Variants in XPR1 observed in about 807,000 individuals in gnomAD.
The protein encoded by XPR1 is solute carrier family 53 member 1.
In XPR1, 28 loss-of-function variants were observed where a neutral mutation model predicts 87.5. The ratio of observed to expected loss-of-function variants is 0.32; its 90% CI spans 0.24 to 0.44. XPR1 has a LOEUF of 0.44. XPR1 is among the 20% of genes least tolerant of loss of function. The pLI is 1.00. For missense variants in XPR1, 559 were observed against 862.3 expected, an observed-to-expected ratio of 0.65 and a Z score of 4.41; for synonymous variants, 300 against 306.1, an observed-to-expected ratio of 0.98 and a Z score of 0.21.
chr1:180,844,280 A>G (rs1302741331), intron 11 of XPR1, among the ~76,000 whole-genome samples: 1 of 152,236 alleles, frequency 6.6e-6, no homozygotes, highest in Non-Finnish European at 1.5e-5. Context: ...TTGAAGACCA[A>G]TTGCTTGAAA....
intron 7 of XPR1, among the ~76,000 whole-genome samples, chr1:180,823,691 A>G (rs2102150062): frequency 6.6e-6 from 1 of 152,294 alleles, no homozygotes. Context: ...AATGATATTG[A>G]ACATTTGTGT....
chr1:180,781,768 A>G (rs1235172409), intron 2 of XPR1, among the ~76,000 whole-genome samples: 3 of 151,940 alleles, frequency 2.0e-5, no homozygotes, highest in Non-Finnish European at 4.4e-5. Context: ...TGCTGCACCC[A>G]TTAACTCGTC....
chr1:180,664,113 G>A (rs1016513059), intron 1 of XPR1, among the ~76,000 whole-genome samples: 2 of 152,184 alleles, frequency 1.3e-5, no homozygotes, highest in African/African-American at 4.8e-5. Context: ...CCAAAAGCCT[G>A]CTTAGTGCTC....
At chr1:180,687,224 A>G (rs896107247) in intron 2 of XPR1, among the ~76,000 whole-genome samples, 1 of 152,106 alleles carries the variant, frequency 6.6e-6, no homozygotes, top group African/African-American at 2.4e-5. Context: ...GAAAATGATG[A>G]TGATATTTAT....
chr1:180,779,215 T>C (rs1223897460), intron 2 of XPR1, among the ~76,000 whole-genome samples: 7 of 151,234 alleles, frequency 4.6e-5, no homozygotes, highest in African/African-American at 1.5e-4. Context: ...TTACACTCTA[T>C]CTCATCACCC....
At chr1:180,782,915 T>C (rs570033311) in intron 2 of XPR1, among the ~76,000 whole-genome samples, 2 of 152,142 alleles carry the variant, frequency 1.3e-5, no homozygotes, top group Admixed American at 1.3e-4. Flanking sequence ...TTCTCATCTA[T>C]AAAATAACAA....
rs185253727 is a variant in XPR1, at chr1:180,754,968, T to A, written c.122-32785T>A. 1.7e-3 allele frequency among the ~76,000 whole-genome samples: 258 copies of A among 152,232 alleles called. 4 individuals are homozygous for A. The highest frequency in any genetic ancestry group is 5.4e-3 in the East Asian group (28 of 5,184). ...GGTGGGTCACTGCAACCATGGGATA[T>A]TACACACATAGAATTGATCGAATAA... On this transcript the variant is annotated intron_variant, in intron 2 of 14. Transcript: ENST00000367590.
intron 1 of XPR1, 131 bp downstream of exon 1, chr1:180,632,401 C>G (rs1324469433): frequency 5.7e-6 from 7 of 1,218,570 alleles, no homozygotes; most frequent in African/African-American, 1.5e-5. Context: ...CCGCGGGGAG[C>G]CACTGCGGCA....
At position 180,884,171 on chromosome 1, in the gene XPR1, C is replaced by T; in HGVS notation, c.*105C>T. 1.1e-6 allele frequency: 1 copy of T among 939,942 alleles called. No homozygotes were observed. 58.2% of individuals were successfully genotyped at this position (939,942 alleles called of 1,614,324 possible). A position where few individuals can be genotyped will look rare whatever the true frequency, so the allele number is the denominator to read the frequency against. On this transcript the variant is annotated 3_prime_UTR_variant, in exon 15 of 15. Transcript: ENST00000367590. ...TTCCAGCCGAAAACAGGAGAAAACA[C>T]ATAACACATTTTCCGAGCTCTTCCG...
chr1:180,710,701 A>C (rs1358275093), intron 2 of XPR1, among the ~76,000 whole-genome samples: 1 of 152,178 alleles, frequency 6.6e-6, no homozygotes, highest in Non-Finnish European at 1.5e-5. Flanking sequence ...GCCTGCTCTC[A>C]ATGAGCTGTT....
chr1:180,785,043 G>GTGTA (rs1170225145), intron 2 of XPR1, among the ~76,000 whole-genome samples: 4 of 149,546 alleles, frequency 2.7e-5, no homozygotes, highest in South Asian at 4.2e-4. Context: ...GTGTGTGTGT[G>GTGTA]TGTTACTATA....
At chr1:180,846,563 T>C (rs1410001442) in intron 11 of XPR1, among the ~76,000 whole-genome samples, 1 of 151,834 alleles carries the variant, frequency 6.6e-6, no homozygotes, top group Non-Finnish European at 1.5e-5. Flanking sequence ...TGCCTCAGCC[T>C]CCTGAGTAGC....
intron 2 of XPR1, among the ~76,000 whole-genome samples, chr1:180,733,022 G>T (rs1385038855): frequency 6.6e-6 from 1 of 152,148 alleles, no homozygotes; most frequent in Non-Finnish European, 1.5e-5. Context: ...CTTCTTGTTG[G>T]TGGCCCACCG....
intron 7 of XPR1, among the ~76,000 whole-genome samples, chr1:180,814,566 G>T (rs967636137): frequency 1.3e-5 from 2 of 152,110 alleles, no homozygotes; most frequent in African/African-American, 4.8e-5. Context: ...AATTTGCAGG[G>T]TTGTTTAGGG....
intron 2 of XPR1, among the ~76,000 whole-genome samples, chr1:180,769,754 C>T (rs1648438168): frequency 6.6e-6 from 1 of 152,168 alleles, no homozygotes; most frequent in Admixed American, 6.5e-5. Flanking sequence ...GTGCAGATAT[C>T]TCTTCGATAT....
chr1:180,859,003 T>G (rs1467707470), intron 11 of XPR1, among the ~76,000 whole-genome samples: 1 of 152,300 alleles, frequency 6.6e-6, no homozygotes, highest in Non-Finnish European at 1.5e-5. Context: ...CAGTTTACCT[T>G]TATAGGTTTG....
chr1:180,688,701 C>A (rs953757273), intron 2 of XPR1, among the ~76,000 whole-genome samples: 1 of 152,050 alleles, frequency 6.6e-6, no homozygotes, highest in Admixed American at 6.5e-5. Flanking sequence ...ATATAGTACC[C>A]GTTTGACATT....
intron 2 of XPR1, among the ~76,000 whole-genome samples, chr1:180,769,616 T>A (rs1373212366): frequency 6.6e-6 from 1 of 152,176 alleles, no homozygotes; most frequent in African/African-American, 2.4e-5. Context: ...GACAGGATCA[T>A]ATTCTTTTTT....
intron 2 of XPR1, among the ~76,000 whole-genome samples, chr1:180,747,970 G>C (rs1486573262): frequency 6.6e-6 from 1 of 152,132 alleles, no homozygotes; most frequent in African/African-American, 2.4e-5. Context: ...AAACAAAACA[G>C]ATTTTCCACT....
Sources: allele counts gnomAD v4.1 joint callset (sites outside exome capture counted in the v4.1 genomes callset), GRCh38; gene constraint gnomAD v4.1.1; transcripts MANE v1.5; gene names NCBI Gene and HGNC (gene_info 2026-07-23, HGNC 2026-07-21).